ADGRB3: variants seen among roughly 807,000 people sequenced by gnomAD.
The protein encoded by ADGRB3 is adhesion G protein-coupled receptor B3, also known as brain-specific angiogenesis inhibitor 3.
A neutral mutation model predicts 193.4 loss-of-function variants in ADGRB3; 37 were observed. That is an observed-to-expected ratio of 0.19 (90% confidence interval 0.15 to 0.25). The LOEUF (loss-of-function observed/expected upper bound fraction) is 0.25, where lower values mean the gene tolerates loss of function less well. Among genes scored for constraint, ADGRB3 ranks in the 10% least tolerant of loss-of-function variants. ADGRB3 has a pLI of 1.00. For synonymous variants in ADGRB3, 690 were observed against 644.2 expected, an observed-to-expected ratio of 1.07 and a Z score of -1.08; for missense variants, 1,637 against 1,852.9, an observed-to-expected ratio of 0.88 and a Z score of 2.14.
At chr6:69,284,653 G>A (rs546527906) in intron 20 of ADGRB3, among the ~76,000 whole-genome samples, 77 of 150,390 alleles carry the variant, frequency 5.1e-4, no homozygotes, top group African/African-American at 1.7e-3. Flanking sequence ...TTGACATTAT[G>A]TATTTAACCT....
At chr6:69,384,739 G>A (rs570986833) in intron 31 of ADGRB3, among the ~76,000 whole-genome samples, 10 of 152,072 alleles carry the variant, frequency 6.6e-5, no homozygotes, top group Non-Finnish European at 1.3e-4. Context: ...GGGGAGGATA[G>A]AGTTGTCATT....
intron 13 of ADGRB3, among the ~76,000 whole-genome samples, chr6:69,043,862 A>G (rs776258390): frequency 2.0e-5 from 3 of 152,172 alleles, no homozygotes. Context: ...AGAGGATGCT[A>G]TAAATAAGTA....
chr6:69,173,309 A>C (rs1775337179), intron 17 of ADGRB3, among the ~76,000 whole-genome samples: 1 of 152,254 alleles, frequency 6.6e-6, no homozygotes, highest in Non-Finnish European at 1.5e-5. Context: ...AAGTCCTGGT[A>C]TTACAGGCGT....
At chr6:69,347,045 A>G (rs1188371197) in intron 26 of ADGRB3, among the ~76,000 whole-genome samples, 1 of 152,210 alleles carries the variant, frequency 6.6e-6, no homozygotes, top group Non-Finnish European at 1.5e-5. Flanking sequence ...GGATGGTTTC[A>G]TTTCCTTTGC....
intron 3 of ADGRB3, among the ~76,000 whole-genome samples, chr6:68,730,367 A>G (rs1200171852): frequency 6.6e-6 from 1 of 151,568 alleles, no homozygotes. Flanking sequence ...TCTCAGTGCT[A>G]TACAGAATCT....
intron 3 of ADGRB3, among the ~76,000 whole-genome samples, chr6:68,872,635 T>G (rs892681941): frequency 2.6e-5 from 4 of 152,026 alleles, no homozygotes; most frequent in African/African-American, 9.7e-5. Flanking sequence ...TGTGAATGGG[T>G]TTATTAGTTC....
intron 30 of ADGRB3, among the ~76,000 whole-genome samples, chr6:69,381,394 C>G (rs1190748588): frequency 6.6e-6 from 1 of 151,862 alleles, no homozygotes; most frequent in Non-Finnish European, 1.5e-5. Context: ...TCTCACACAG[C>G]CAACTCCTAG....
intron 3 of ADGRB3, among the ~76,000 whole-genome samples, chr6:68,918,817 C>A (rs891323873): frequency 6.6e-6 from 1 of 152,154 alleles, no homozygotes; most frequent in Non-Finnish European, 1.5e-5. Context: ...TAATCCCTTC[C>A]TTTTAAGTAT....
chr6:68,914,360 C>T (rs1484020813), intron 3 of ADGRB3, among the ~76,000 whole-genome samples: 2 of 152,172 alleles, frequency 1.3e-5, no homozygotes, highest in African/African-American at 4.8e-5. Context: ...AGAAACTCTA[C>T]AAGCCAGAAG....
In ADGRB3 at chr6:69,050,378, T is replaced by A. The variant is rs550225727; in HGVS notation, c.2333+1032T>A. Among the ~76,000 whole-genome samples the A allele has an allele frequency of 2.0e-5, 3 of 152,292 alleles. No individual in the cohort carries two copies. The South Asian group carries it at 6.2e-4, about 32-fold the overall frequency. On this transcript the variant is annotated intron_variant, in intron 15 of 31. Transcript: ENST00000370598. The stretch of plus-strand genomic sequence containing the variant: ...TCTCCTTCAACCATAGAGACAGCCA[T>A]GGGAAGCTGAAATTTATTTACCTCC...
In ADGRB3 at chr6:69,174,015, C is replaced by A. The variant is rs528702570; in HGVS notation, c.2481-59275C>A. 3.3e-5 allele frequency among the ~76,000 whole-genome samples: 5 copies of A among 152,306 alleles called. No individual in the cohort carries two copies. In the East Asian group the frequency reaches 9.6e-4, roughly 29 times the overall value. Reference sequence around the variant, plus strand: ...GTTTGAAGAAAAGGATCTTCCATTACTTGCTGTAAAGTAGTAAAACCCTCA... The same window carrying A: ...GTTTGAAGAAAAGGATCTTCCATTAATTGCTGTAAAGTAGTAAAACCCTCA... On this transcript the variant is annotated intron_variant, in intron 17 of 31. Coordinates refer to ENST00000370598, the MANE Select transcript of ADGRB3 (RefSeq NM_001704.3).
chr6:69,269,436 GTTTA>G (rs1033834845), intron 20 of ADGRB3, among the ~76,000 whole-genome samples: 3 of 152,096 alleles, frequency 2.0e-5, no homozygotes, highest in Non-Finnish European at 4.4e-5. Context: ...AAGCTTGTAT[GTTTA>G]TTTTAATAAA....
intron 17 of ADGRB3, among the ~76,000 whole-genome samples, chr6:69,102,359 G>A (rs555810356): frequency 3.3e-5 from 5 of 152,092 alleles, no homozygotes; most frequent in Non-Finnish European, 7.3e-5. Context: ...AGTCAGTATG[G>A]TGAGTACCCT....
At chr6:69,286,521 G>A (rs947583130) in intron 20 of ADGRB3, among the ~76,000 whole-genome samples, 6 of 152,152 alleles carry the variant, frequency 3.9e-5, no homozygotes, top group Non-Finnish European at 8.8e-5. Context: ...CAGGTGCAGC[G>A]AGACCAGGCT....
intron 21 of ADGRB3, among the ~76,000 whole-genome samples, chr6:69,327,156 A>G (rs537094219): frequency 9.9e-5 from 15 of 152,104 alleles, no homozygotes; most frequent in African/African-American, 3.6e-4. Context: ...TAAAAAAAAA[A>G]TCTTTAAACA....
rs550067420 is a variant in ADGRB3 at position 68,848,882 on chromosome 6, C to T, written c.758-81677C>T. On this transcript the variant is annotated intron_variant, in intron 3 of 31. Transcript: ENST00000370598. Reference sequence around the variant, plus strand: ...ATTTTCCTAAGGCGGCATTAGCATTCGTTGAATTTTCCATTGATTTTTTAA... The same window carrying T: ...ATTTTCCTAAGGCGGCATTAGCATTTGTTGAATTTTCCATTGATTTTTTAA... Among the ~76,000 whole-genome samples, 85 of 152,042 alleles carry T rather than the reference C, an allele frequency of 5.6e-4. 1 individual carries two copies. Among genetic ancestry groups the T allele is most frequent in the South Asian group, 3.7e-3 (18 of 4,822 alleles).
intron 24 of ADGRB3, 24 bp downstream of exon 24, chr6:69,333,032 G>A: frequency 6.2e-7 from 1 of 1,608,468 alleles, no homozygotes; most frequent in Non-Finnish European, 8.5e-7. Flanking sequence ...GGTGGATTTT[G>A]AAGGTTATTT....
At chr6:69,345,575 C>T (rs1582646264) in intron 26 of ADGRB3, among the ~76,000 whole-genome samples, 2 of 152,136 alleles carry the variant, frequency 1.3e-5, no homozygotes, top group Non-Finnish European at 2.9e-5. Context: ...TAACAATTCT[C>T]AATAAACTAG....
intron 3 of ADGRB3, among the ~76,000 whole-genome samples, chr6:68,817,078 G>A (rs184233482): frequency 1.1e-3 from 163 of 151,554 alleles, no homozygotes; most frequent in Non-Finnish European, 1.7e-3. Context: ...AAATTCCTGA[G>A]TGTAGAAACA....
Sources: allele counts gnomAD v4.1 joint callset (sites outside exome capture counted in the v4.1 genomes callset), GRCh38; gene constraint gnomAD v4.1.1; transcripts MANE v1.5; gene names NCBI Gene and HGNC (gene_info 2026-07-23, HGNC 2026-07-21).